Variants in RPS6KA1 observed in about 807,000 individuals in gnomAD.
The protein encoded by RPS6KA1 is ribosomal protein S6 kinase alpha-1.
A neutral mutation model predicts 91.3 loss-of-function variants in RPS6KA1; 48 were observed. The ratio of observed to expected loss-of-function variants is 0.53; its 90% CI spans 0.42 to 0.67. RPS6KA1 has a LOEUF of 0.67. Ranked by LOEUF, RPS6KA1 falls within the 30% of genes least tolerant of loss-of-function variation. RPS6KA1 has a pLI of 0.00. For missense variants in RPS6KA1, 719 were observed against 960.5 expected, an observed-to-expected ratio of 0.75 and a Z score of 3.32; for synonymous variants, 359 against 384.7, an observed-to-expected ratio of 0.93 and a Z score of 0.78.
intron 7 of RPS6KA1, chr1:26,553,957 C>T: frequency 2.2e-6 from 1 of 454,410 alleles, no homozygotes; most frequent in East Asian, 3.9e-5. Context: ...ACTTAACTGC[C>T]CTGAGCCTTA....
In RPS6KA1 at chr1:26,558,609, T is replaced by C. The variant is rs745397281; in HGVS notation, c.1085-198T>C. Among the ~76,000 whole-genome samples the C allele has an allele frequency of 4.6e-5, 7 of 152,184 alleles. No homozygotes were observed. In the South Asian group the frequency reaches 1.4e-3, roughly 31 times the overall value. On this transcript the variant is annotated intron_variant, in intron 13 of 21. Transcript: ENST00000374168. This position sits in a 1 kb window ranked among gnomAD's most constrained non-coding sequence, Gnocchi z 4.0. ...ATGTGAGAGTCTTTTTTGTTCCTCATGCGACAGGACTGGGCTGGTCTAATA... is the reference window on the plus strand; with the variant it reads ...ATGTGAGAGTCTTTTTTGTTCCTCACGCGACAGGACTGGGCTGGTCTAATA...
intron 2 of RPS6KA1, among the ~76,000 whole-genome samples, chr1:26,538,077 A>C (rs2075919681): frequency 6.6e-6 from 1 of 152,196 alleles, no homozygotes; most frequent in Admixed American, 6.5e-5. Context: ...TCAGCTTCCT[A>C]AGATGAGGTG....
chr1:26,533,104 A>G (rs1472312373), intron 1 of RPS6KA1, among the ~76,000 whole-genome samples: 3 of 152,086 alleles, frequency 2.0e-5, no homozygotes, highest in Non-Finnish European at 2.9e-5. Flanking sequence ...TTTTTGAGAC[A>G]TAGTCTTGCT....
chr1:26,567,807 C>T (rs2076217049), intron 17 of RPS6KA1, among the ~76,000 whole-genome samples: 1 of 152,198 alleles, frequency 6.6e-6, no homozygotes, highest in Admixed American at 6.5e-5. Flanking sequence ...CTAAATATTC[C>T]TGTCCTTCTC....
chr1:26,546,761 C>A, intron 2 of RPS6KA1, 106 bp from the exon 3 acceptor site: 1 of 799,444 alleles, frequency 1.3e-6, no homozygotes, highest in Non-Finnish European at 2.1e-6. Context: ...TCTATTGGGC[C>A]TTTAGGTTCC....
At chr1:26,530,873 C>G (rs747254635) in intron 1 of RPS6KA1, 1 of 1,280,266 alleles carries the variant, frequency 7.8e-7, no homozygotes, top group South Asian at 1.2e-5. Context: ...GGAAAACTTC[C>G]TCCTTAACCT....
rs2076002023 is a variant in RPS6KA1 at position 26,547,128 on chromosome 1, A to G, written c.226-61A>G. The G allele has an allele frequency of 2.5e-6, 4 of 1,576,834 alleles. No homozygotes were observed. The Admixed American group carries it at 6.7e-5, about 26-fold the overall frequency. ...TCAGCTTGGGGCTCAGAGAAGATAG[A>G]GGTCAGCCTGGACTCAGACCTCTCC... On this transcript the variant is annotated intron_variant, in intron 3 of 21. Coordinates refer to ENST00000374168, the MANE Select transcript of RPS6KA1 (RefSeq NM_002953.4). This position sits in a 1 kb window ranked among gnomAD's most constrained non-coding sequence, Gnocchi z 4.1.
chr1:26,544,220 CT>C (rs2075972445), intron 2 of RPS6KA1: 1 of 456,176 alleles, frequency 2.2e-6, no homozygotes, highest in South Asian at 1.5e-5. Context: ...CTCCCGCTGT[CT>C]CTCTTTGCTG....
At chr1:26,534,271 T>G (rs1418862102) in intron 1 of RPS6KA1, among the ~76,000 whole-genome samples, 2 of 152,134 alleles carry the variant, frequency 1.3e-5, no homozygotes, top group African/African-American at 4.8e-5. Flanking sequence ...CTTTGCTGGG[T>G]TGAACTTTCA....
intron 2 of RPS6KA1, 141 bp from the exon 3 acceptor site, chr1:26,546,725 TG>T: frequency 1.6e-6 from 1 of 636,246 alleles, no homozygotes; most frequent in Non-Finnish European, 2.8e-6. Context: ...TCGATGACCC[TG>T]GAGGCTAGCC....
At chr1:26,570,911 T>C (rs890764229) in intron 17 of RPS6KA1, among the ~76,000 whole-genome samples, 1 of 152,016 alleles carries the variant, frequency 6.6e-6, no homozygotes, top group Non-Finnish European at 1.5e-5. Flanking sequence ...TCACTTGAGG[T>C]CAGGAGTTTG....
rs768720668 is a variant in RPS6KA1 at position 26,558,890 on chromosome 1, G to A, written c.1168G>A (p.Asp390Asn). 19 of 1,613,700 alleles carry A rather than the reference G, an allele frequency of 1.2e-5. No homozygotes were observed. The African/African-American group carries it at 1.2e-4, about 10-fold the overall frequency. The change falls in exon 14 of 22, where the codon GAC (aspartate) becomes AAC (asparagine). Residue 390 changes from aspartate to asparagine, a missense_variant. Around this residue, in one of 5 missense-constraint regions of RPS6KA1, gnomAD observed 228 missense variants for 247.6 expected, o/e 0.92. Coordinates refer to ENST00000374168, the MANE Select transcript of RPS6KA1 (RefSeq NM_002953.4). This position sits in a 1 kb window ranked among gnomAD's most constrained non-coding sequence, Gnocchi z 4.0. ...CGTGGCCACCGGCCTGATGGAAGAC[G>A]ACGGCAAGCCTCGTGCCCCGCAGGC... ...SFVATGLMED[D>N]GKPRAPQAPL... is the part of the protein sequence containing the mutation.
intron 17 of RPS6KA1, among the ~76,000 whole-genome samples, chr1:26,565,627 C>T (rs2076193620): frequency 6.6e-6 from 1 of 151,134 alleles, no homozygotes; most frequent in Non-Finnish European, 1.5e-5. Context: ...ATGGCATGGT[C>T]TTTGGCTCAC....
At chr1:26,546,766 G>A (rs2075998205) in intron 2 of RPS6KA1, 101 bp from the exon 3 acceptor site, 1 of 827,852 alleles carries the variant, frequency 1.2e-6, no homozygotes, top group African/African-American at 1.7e-5. Flanking sequence ...TGGGCCTTTA[G>A]GTTCCATCTG....
Position 26,574,275 on chromosome 1 carries a change from G to A in RPS6KA1, c.*74G>A, listed in dbSNP as rs141078619. ...GCATGCTTCCCAGAGGGAGCAGGCC[G>A]GAACCACAGGGCCAGAGGGAGCTGG... On this transcript the variant is annotated 3_prime_UTR_variant, in exon 22 of 22. Transcript: ENST00000374168. This position sits in a 1 kb window ranked among gnomAD's most constrained non-coding sequence, Gnocchi z 4.3. The A allele has an allele frequency of 2.6e-4, 415 of 1,578,970 alleles. 2 individuals are homozygous for A. The African/African-American group carries it at 3.8e-3, about 14-fold the overall frequency.
rs375417245 is a variant in RPS6KA1, at chr1:26,561,162, G to A, written c.1431+28G>A. 141 of 1,578,022 alleles carry A rather than the reference G, an allele frequency of 8.9e-5. No individual in the cohort carries two copies. The highest frequency in any genetic ancestry group is 2.6e-4 in the African/African-American group (19 of 74,114). ...GAGTGGGGGTCCTTAAGACTGGGGT[G>A]GGGACCAGGAACTCAACTCTCAGGA... is the stretch of plus-strand genomic sequence containing the variant. On this transcript the variant is annotated intron_variant, in intron 16 of 21. Transcript: ENST00000374168. The surrounding 1 kb of genome is among the most constrained non-coding windows in gnomAD (Gnocchi z 5.7).
intron 4 of RPS6KA1, among the ~76,000 whole-genome samples, chr1:26,548,719 A>T (rs1283050605): frequency 4.6e-5 from 7 of 151,974 alleles, no homozygotes; most frequent in African/African-American, 1.7e-4. Context: ...GAATTGCTTG[A>T]ACCCAGGAGG....
At position 26,547,947 on chromosome 1, in the gene RPS6KA1, G is replaced by T. The variant is rs1437703063; in HGVS notation, c.307+677G>T. Among the ~76,000 whole-genome samples the T allele has an allele frequency of 2.0e-5, 3 of 152,176 alleles. No individual in the cohort carries two copies. In the East Asian group the frequency reaches 5.8e-4, roughly 29 times the overall value. On this transcript the variant is annotated intron_variant, in intron 4 of 21. Coordinates refer to ENST00000374168, the MANE Select transcript of RPS6KA1 (RefSeq NM_002953.4). This position sits in a 1 kb window ranked among gnomAD's most constrained non-coding sequence, Gnocchi z 4.1. Reference sequence around the variant, plus strand: ...CACTTTGGGAGGCTGAGGTGGGCGGGTCATTTGAGGTCAGGAGTTCAAGAC... The same window carrying T: ...CACTTTGGGAGGCTGAGGTGGGCGGTTCATTTGAGGTCAGGAGTTCAAGAC...
At chr1:26,544,498 G>A (rs547884752) in intron 2 of RPS6KA1, among the ~76,000 whole-genome samples, 27 of 143,274 alleles carry the variant, frequency 1.9e-4, no homozygotes, top group African/African-American at 3.1e-4. Context: ...TTTTTGAAAC[G>A]GAGTCTCACT....
Sources: gnomAD v4.1 joint callset for allele counts (sites outside exome capture counted in the v4.1 genomes callset) on GRCh38, gnomAD v4.1.1 for gene constraint, gnomAD v4.1.1 regional missense constraint, Gnocchi (gnomAD v3.1) non-coding constraint, MANE v1.5 for transcripts, NCBI Gene and HGNC (gene_info 2026-07-23, HGNC 2026-07-21) for gene names.